The following ACAN variants were observed in gnomAD, a reference collection of about 807,000 sequenced individuals.
ACAN encodes aggrecan.
Under a neutral mutation model 169.1 loss-of-function variants are expected in ACAN, and 47 were observed. That is an observed-to-expected ratio of 0.28 (90% CI 0.22 to 0.35). The LOEUF (loss-of-function observed/expected upper bound fraction) is 0.35, where lower values mean the gene tolerates loss of function less well. ACAN is among the 10% of genes least tolerant of loss of function. ACAN has a pLI of 1.00. For missense variants in ACAN, 2,716 were observed against 2,759.9 expected, an observed-to-expected ratio of 0.98 and a Z score of 0.36; for synonymous variants, 1,115 against 1,112.2, an observed-to-expected ratio of 1.00 and a Z score of -0.05.
intron 1 of ACAN, among the ~76,000 whole-genome samples, chr15:88,811,953 G>C (rs990451170): frequency 3.9e-5 from 6 of 152,054 alleles, no homozygotes; most frequent in Non-Finnish European, 7.3e-5. Flanking sequence ...ATTCCCACTT[G>C]TTTCCTAAAC....
At position 88,843,180 on chromosome 15, in the gene ACAN, A is replaced by C. The variant is rs1377234022; in HGVS notation, c.758-175A>C. 6.6e-6 allele frequency among the ~76,000 whole-genome samples: 1 copy of C among 152,200 alleles called. No homozygotes were observed. Among genetic ancestry groups the C allele is most frequent in the Non-Finnish European group, 1.5e-5 (1 of 68,038 alleles). On this transcript the variant is annotated intron_variant, in intron 5 of 18. Coordinates refer to ENST00000560601, the MANE Select transcript of ACAN (RefSeq NM_001369268.1). The surrounding 1 kb of genome is among the most constrained non-coding windows in gnomAD (Gnocchi z 4.0). Reference sequence around the variant, plus strand: ...TTAGGAAATTGATGTCATCCTACACAAAAGCCCAGAAATAAGCAATGAAGG... The same window carrying C: ...TTAGGAAATTGATGTCATCCTACACCAAAGCCCAGAAATAAGCAATGAAGG...
chr15:88,859,827 C>G (rs992028955), intron 12 of ACAN, among the ~76,000 whole-genome samples: 1 of 152,108 alleles, frequency 6.6e-6, no homozygotes, highest in Non-Finnish European at 1.5e-5. Flanking sequence ...GCACCCTGCC[C>G]CGGAGTGAGT....
chr15:88,855,421 G>T lies in ACAN; in HGVS notation c.2836G>T (p.Gly946Cys), dbSNP rs561378076. 2 of 1,613,744 alleles carry T rather than the reference G, an allele frequency of 1.2e-6. No homozygotes were observed. The highest frequency in any genetic ancestry group is 1.7e-6 in the Non-Finnish European group (2 of 1,179,832). The change falls in exon 12 of 19, where the codon GGC (glycine) becomes TGC (cysteine). Residue 946 changes from glycine to cysteine, a missense_variant. This residue lies in a region of ACAN where 1,283 missense variants were observed against 1,281.5 expected (regional missense o/e 1.00). Coordinates refer to ENST00000560601, the MANE Select transcript of ACAN (RefSeq NM_001369268.1). The stretch of plus-strand genomic sequence containing the variant: ...GCCCTCTGGAGCTGAGATCCTAGAG[G>T]GCTCTGCCTCTGGAGTTGGGGATCT... ...ELPSGAEILE[G>C]SASGVGDLSG... is the part of the protein sequence containing the mutation.
Position 88,843,595 on chromosome 15 carries a change from A to G in ACAN, c.998A>G (p.Asn333Ser), listed in dbSNP as rs776721559. The change falls in exon 6 of 19, where the codon AAC (asparagine) becomes AGC (serine). Residue 333 changes from asparagine (N) to serine (S), a missense_variant. By Grantham distance (46) the Asn-to-Ser change is conservative. This residue lies in a region of ACAN where 1,283 missense variants were observed against 1,281.5 expected (regional missense o/e 1.00). Transcript: ENST00000560601. The surrounding 1 kb of genome is among the most constrained non-coding windows in gnomAD (Gnocchi z 4.0). ...LGVRTVYVHA[N>S]QTGYPDPSSR... Reference sequence around the variant, plus strand: ...GTGAGGACCGTCTACGTGCATGCCAACCAGACGGGCTACCCCGACCCCTCA... The same window carrying G: ...GTGAGGACCGTCTACGTGCATGCCAGCCAGACGGGCTACCCCGACCCCTCA... 5.7e-5 allele frequency: 91 copies of G among 1,604,034 alleles called. No individual in the cohort carries two copies. Among genetic ancestry groups the G allele is most frequent in the Non-Finnish European group, 7.5e-5 (88 of 1,172,766 alleles).
chr15:88,810,133 A>T (rs1404321368), intron 1 of ACAN, among the ~76,000 whole-genome samples: 3 of 152,138 alleles, frequency 2.0e-5, no homozygotes, highest in Non-Finnish European at 2.9e-5. Flanking sequence ...ATGGGGGTTC[A>T]CAGGCTGCTC....
chr15:88,820,074 G>C (rs1350160569), intron 1 of ACAN, among the ~76,000 whole-genome samples: 1 of 152,170 alleles, frequency 6.6e-6, no homozygotes, highest in Non-Finnish European at 1.5e-5. Flanking sequence ...ACTATTGTGA[G>C]CATTAAACGA....
rs989778906 is a variant in ACAN at position 88,838,592 on chromosome 15, T to G, written c.71-71T>G. On this transcript the variant is annotated intron_variant, in intron 2 of 18. Coordinates refer to ENST00000560601, the MANE Select transcript of ACAN (RefSeq NM_001369268.1). The surrounding 1 kb of genome is among the most constrained non-coding windows in gnomAD (Gnocchi z 5.1). ...TCAGGAGAGTGCATTGCTGGAAGGA[T>G]GGATGGGGAGGCGGGGTGGTCCTCT... is the stretch of plus-strand genomic sequence containing the variant. 42 of 1,502,686 alleles carry G rather than the reference T, an allele frequency of 2.8e-5. No homozygotes were observed. Among genetic ancestry groups the G allele is most frequent in the Middle Eastern group, 1.8e-4 (1 of 5,610 alleles). The allele number at this position is 1,502,686 out of a possible 1,614,324, so 93.1% of individuals were successfully genotyped here. A position where few individuals can be genotyped will look rare whatever the true frequency, so the allele number is the denominator to read the frequency against.
At chr15:88,837,620 C>A (rs543852927) in intron 2 of ACAN, among the ~76,000 whole-genome samples, 2 of 152,242 alleles carry the variant, frequency 1.3e-5, no homozygotes, top group Admixed American at 6.5e-5. Context: ...CCTTTCAGCT[C>A]TCCCCTGAGA....
intron 2 of ACAN, among the ~76,000 whole-genome samples, chr15:88,837,655 T>A (rs1567174279): frequency 6.6e-6 from 1 of 152,102 alleles, no homozygotes. Context: ...AACCAAGCCA[T>A]GTCCAGGGTG....
Position 88,838,179 on chromosome 15 carries a change from G to A in ACAN, c.71-484G>A, listed in dbSNP as rs1405908878. 6.6e-6 allele frequency among the ~76,000 whole-genome samples: 1 copy of A among 152,042 alleles called. No individual in the cohort carries two copies. Among genetic ancestry groups the A allele is most frequent in the African/African-American group, 2.4e-5 (1 of 41,390 alleles). ...GGCAAAATCAGGCTCGCACCCAAAA[G>A]CAGACCTCCCCAAATGGGACACATC... is the stretch of plus-strand genomic sequence containing the variant. On this transcript the variant is annotated intron_variant, in intron 2 of 18. Transcript: ENST00000560601. The surrounding 1 kb of genome is among the most constrained non-coding windows in gnomAD (Gnocchi z 5.1).
rs1291712383 is a variant in ACAN, at chr15:88,845,688, T to C, written c.1235T>C (p.Leu412Pro). 1 of 1,614,034 alleles carries C rather than the reference T, an allele frequency of 6.2e-7. No individual in the cohort carries two copies. The highest frequency in any genetic ancestry group is 1.1e-5 in the South Asian group (1 of 91,090). ...KPIFEVSPSP[L>P]EPEEPFTFAP... ...ATCTTCGAGGTCTCCCCCAGTCCCC[T>C]GGAACCCGAGGAGCCCTTCACGTTT... The change falls in exon 7 of 19, where the codon CTG becomes CCG. Residue 412 changes from leucine to proline, a missense_variant. Physicochemically the swap from Leu to Pro is moderately conservative, Grantham distance 98. Coordinates refer to ENST00000560601, the MANE Select transcript of ACAN (RefSeq NM_001369268.1).
intron 13 of ACAN, among the ~76,000 whole-genome samples, chr15:88,867,368 G>A (rs1202194613): frequency 6.6e-6 from 1 of 152,190 alleles, no homozygotes; most frequent in Non-Finnish European, 1.5e-5. Flanking sequence ...CCAGACTGGT[G>A]CCAGTGCTGT....
chr15:88,858,109 A>G lies in ACAN; in HGVS notation c.5524A>G (p.Thr1842Ala), dbSNP rs1358337688. 1 of 1,613,866 alleles carries G rather than the reference A, an allele frequency of 6.2e-7. No homozygotes were observed. The highest frequency in any genetic ancestry group is 2.2e-5 in the East Asian group (1 of 44,876). ...CACCAGTTTGGTTGAAGTGGCCCCT[A>G]CTACATTTAAAGAAGAAGAAGGCTT... ...VDTSLVEVAP[T>A]TFKEEEGLGS... The change falls in exon 12 of 19, where the codon ACT becomes GCT. Residue 1842 changes from threonine (T) to alanine (A), a missense_variant. This residue lies in a region of ACAN where 1,389 missense variants were observed against 1,363.7 expected (regional missense o/e 1.02). Transcript: ENST00000560601. The surrounding 1 kb of genome is among the most constrained non-coding windows in gnomAD (Gnocchi z 4.0).
chr15:88,833,027 G>C (rs986868188), intron 1 of ACAN, among the ~76,000 whole-genome samples: 2 of 152,200 alleles, frequency 1.3e-5, no homozygotes, highest in Non-Finnish European at 2.9e-5. Context: ...CACCCACGTC[G>C]AGGAGGGGTC....
At chr15:88,829,039 C>G (rs923958552) in intron 1 of ACAN, among the ~76,000 whole-genome samples, 1 of 152,192 alleles carries the variant, frequency 6.6e-6, no homozygotes, top group Non-Finnish European at 1.5e-5. Flanking sequence ...ATCTCCAGCA[C>G]TCCCCACCCT....
Position 88,872,000 on chromosome 15 carries a change from C to A in ACAN, c.7220-3C>A, listed in dbSNP as rs764447775. Reference sequence around the variant, plus strand: ...ATGCCTGACACCCTCACCCTTTCCCCAGACAATGCCCAAGACTACCAGTGG... The same window carrying A: ...ATGCCTGACACCCTCACCCTTTCCCAAGACAATGCCCAAGACTACCAGTGG... On this transcript the variant is annotated splice_region_variant and splice_polypyrimidine_tract_variant and intron_variant, in intron 15 of 18. Coordinates refer to ENST00000560601, the MANE Select transcript of ACAN (RefSeq NM_001369268.1). The surrounding 1 kb of genome is among the most constrained non-coding windows in gnomAD (Gnocchi z 7.8). 11 of 1,613,594 alleles carry A rather than the reference C, an allele frequency of 6.8e-6. No homozygotes were observed. In the East Asian group the frequency reaches 2.2e-4, roughly 33 times the overall value.
In ACAN at chr15:88,858,056, G is replaced by T; in HGVS notation, c.5471G>T (p.Gly1824Val). The change falls in exon 12 of 19, where the codon GGT becomes GTT. Residue 1824 changes from glycine to valine, a missense_variant. Transcript: ENST00000560601. The surrounding 1 kb of genome is among the most constrained non-coding windows in gnomAD (Gnocchi z 4.0). Reference sequence around the variant, plus strand: ...GTTTCTGGTACCACGAGTGGCAGCGGTGAATCTTCTGGGATTACATTTGTG... The same window carrying T: ...GTTTCTGGTACCACGAGTGGCAGCGTTGAATCTTCTGGGATTACATTTGTG... The part of the protein sequence containing the change: ...DLVSGTTSGS[G>V]ESSGITFVDT... 1.9e-6 allele frequency: 3 copies of T among 1,613,934 alleles called. No individual in the cohort carries two copies. The highest frequency in any genetic ancestry group is 2.5e-6 in the Non-Finnish European group (3 of 1,179,890).
At position 88,839,070 on chromosome 15, in the gene ACAN, A is replaced by T; in HGVS notation, c.454+24A>T. On this transcript the variant is annotated intron_variant, in intron 3 of 18. Transcript: ENST00000560601. The surrounding 1 kb of genome is among the most constrained non-coding windows in gnomAD (Gnocchi z 4.5). ...AGGTGAGAGCCTCCCACAGGGACAGACGCTGCTTCACCCACATAAAGAACC... is the reference window on the plus strand; with the variant it reads ...AGGTGAGAGCCTCCCACAGGGACAGTCGCTGCTTCACCCACATAAAGAACC... The T allele has an allele frequency of 6.3e-7, 1 of 1,596,318 alleles. No individual in the cohort carries two copies. Among genetic ancestry groups the T allele is most frequent in the East Asian group, 2.2e-5 (1 of 44,844 alleles).
chr15:88,847,169 C>A, intron 7 of ACAN, 74 bp from the exon 8 acceptor site: 1 of 1,420,324 alleles, frequency 7.0e-7, no homozygotes. Flanking sequence ...GTTGGCCCCC[C>A]TCTGTGCCCA....
Sources: gnomAD v4.1 joint callset for allele counts (sites outside exome capture counted in the v4.1 genomes callset) on GRCh38, gnomAD v4.1.1 for gene constraint, gnomAD v4.1.1 regional missense constraint, Gnocchi (gnomAD v3.1) non-coding constraint, MANE v1.5 for transcripts, NCBI Gene and HGNC (gene_info 2026-07-23, HGNC 2026-07-21) for gene names.